DACH2: variants seen among roughly 807,000 people sequenced by gnomAD.
The protein encoded by DACH2 is dachshund homolog 2.
DACH2 carries 17 observed loss-of-function variants against 35.8 expected under a neutral mutation model. The observed-to-expected ratio is 0.48, with a 90% CI of 0.33 to 0.71. The LOEUF (loss-of-function observed/expected upper bound fraction) is 0.71. Ranked by LOEUF, DACH2 falls within the 30% of genes least tolerant of loss-of-function variation. The pLI is 0.02. For synonymous variants in DACH2, 195 were observed against 177.3 expected (o/e 1.10, Z -0.79); for missense variants, 469 against 472.7 (o/e 0.99, Z 0.07).
chrX:86,737,429 C>T (rs1270963402), intron 6 of DACH2, among the ~76,000 whole-genome samples: 1 of 111,816 alleles, frequency 8.9e-6, no homozygotes, highest in East Asian at 2.8e-4. Context: ...ATTTAATTAG[C>T]ATATATTGTA....
intron 3 of DACH2, among the ~76,000 whole-genome samples, chrX:86,642,343 T>TA (rs769577333): frequency 2.0e-4 from 22 of 110,159 alleles, no homozygotes; most frequent in South Asian, 1.1e-3. Flanking sequence ...CCAATAAAGA[T>TA]AAAAAAAAGA....
chrX:86,624,451 A>T (rs922869675), intron 3 of DACH2, among the ~76,000 whole-genome samples: 1 of 112,249 alleles, frequency 8.9e-6, no homozygotes, highest in Non-Finnish European at 1.9e-5. Flanking sequence ...GGTTAAGAGA[A>T]AGTATAATTT....
At chrX:86,303,543 G>T (rs1349651508) in intron 1 of DACH2, among the ~76,000 whole-genome samples, 1 of 110,514 alleles carries the variant, frequency 9.0e-6, no homozygotes, top group African/African-American at 3.3e-5. Flanking sequence ...ACCAGTTAGT[G>T]GGGTACTGAA....
chrX:86,199,620 G>A (rs1247850184), intron 1 of DACH2, among the ~76,000 whole-genome samples: 1 of 111,788 alleles, frequency 8.9e-6, no homozygotes, highest in African/African-American at 3.3e-5. Flanking sequence ...CAGAACAACA[G>A]TCAAGCTGAG....
chrX:86,638,255 A>G (rs919249060), intron 3 of DACH2, among the ~76,000 whole-genome samples: 13 of 111,903 alleles, frequency 1.2e-4, no homozygotes, highest in Non-Finnish European at 2.1e-4. Flanking sequence ...ATATGAAAAA[A>G]CTAGCTCCAG....
At chrX:86,457,200 TA>T (rs970616347) in intron 2 of DACH2, among the ~76,000 whole-genome samples, 2 of 111,754 alleles carry the variant, frequency 1.8e-5, no homozygotes, top group African/African-American at 6.5e-5. Context: ...GTAGAAGCAG[TA>T]AGAATGAGTC....
chrX:86,640,078 G>A (rs1371737155), intron 3 of DACH2, among the ~76,000 whole-genome samples: 2 of 110,921 alleles, frequency 1.8e-5, no homozygotes, highest in African/African-American at 6.6e-5. Context: ...AGACTGGAGC[G>A]GGCCCCAAGC....
intron 2 of DACH2, among the ~76,000 whole-genome samples, chrX:86,511,082 T>C (rs929010544): frequency 8.1e-5 from 9 of 111,712 alleles, no homozygotes; most frequent in African/African-American, 2.6e-4. Flanking sequence ...TTATTTGCCT[T>C]GATTAATATG....
chrX:86,193,402 G>A (rs2031888062), intron 1 of DACH2, among the ~76,000 whole-genome samples: 1 of 111,565 alleles, frequency 9.0e-6, no homozygotes, highest in Admixed American at 9.6e-5. Context: ...AAAGTCAAGG[G>A]CATTATTCTG....
At chrX:86,285,691 T>G (rs954355612) in intron 1 of DACH2, among the ~76,000 whole-genome samples, 2 of 111,992 alleles carry the variant, frequency 1.8e-5, no homozygotes, top group African/African-American at 6.5e-5. Flanking sequence ...GGCCTATAAG[T>G]GCAGATTATG....
intron 1 of DACH2, among the ~76,000 whole-genome samples, chrX:86,376,522 T>C (rs1222030172): frequency 1.8e-5 from 2 of 110,740 alleles, no homozygotes; most frequent in Non-Finnish European, 3.8e-5. Context: ...CTTGTCTTCA[T>C]ATATGGAAAA....
intron 7 of DACH2, among the ~76,000 whole-genome samples, chrX:86,804,062 G>A (rs2042319805): frequency 9.0e-6 from 1 of 111,585 alleles, no homozygotes; most frequent in Non-Finnish European, 1.9e-5. Context: ...TCGCTTATCT[G>A]GAATGCTTCA....
intron 3 of DACH2, among the ~76,000 whole-genome samples, chrX:86,547,103 G>A (rs377028420): frequency 9.0e-6 from 1 of 110,843 alleles, no homozygotes; most frequent in Non-Finnish European, 1.9e-5. Flanking sequence ...TAGTATAAGA[G>A]TGAGAACAAC....
intron 4 of DACH2, among the ~76,000 whole-genome samples, chrX:86,674,948 A>G (rs768329855): frequency 2.7e-5 from 3 of 110,788 alleles, no homozygotes; most frequent in Non-Finnish European, 5.7e-5. Flanking sequence ...GCTATCTTTT[A>G]AAAATATTGG....
At chrX:86,464,271 A>T (rs1278028758) in intron 2 of DACH2, among the ~76,000 whole-genome samples, 2 of 111,544 alleles carry the variant, frequency 1.8e-5, no homozygotes, top group Admixed American at 1.9e-4. Context: ...GAACCAACCC[A>T]AATGCCCATC....
At position 86,303,083 on chromosome X, in the gene DACH2, G is replaced by A. The variant is rs193236636; in HGVS notation, c.489-73741G>A. On this transcript the variant is annotated intron_variant, in intron 1 of 11. Coordinates refer to ENST00000373125, the MANE Select transcript of DACH2 (RefSeq NM_053281.3). ...ATACATCTAGTATGTTGTGGAGGTGGGATTCAAACGCAGACATTGTGGCCC... is the reference window on the plus strand; with the variant it reads ...ATACATCTAGTATGTTGTGGAGGTGAGATTCAAACGCAGACATTGTGGCCC... 2.5e-3 allele frequency among the ~76,000 whole-genome samples: 252 copies of A among 102,077 alleles called. 1 individual carries two copies. The highest frequency in any genetic ancestry group is 8.7e-3 in the African/African-American group (241 of 27,753). 88.6% of individuals were successfully genotyped at this position (102,077 alleles called of 115,157 possible).
At chrX:86,336,138 G>A (rs1316232597) in intron 1 of DACH2, among the ~76,000 whole-genome samples, 2 of 111,800 alleles carry the variant, frequency 1.8e-5, no homozygotes, top group East Asian at 5.6e-4. Context: ...ATGTGCTGTT[G>A]GATTCGGTCT....
chrX:86,647,566 A>G (rs1336324529), intron 3 of DACH2, among the ~76,000 whole-genome samples: 3 of 110,981 alleles, frequency 2.7e-5, no homozygotes, highest in Non-Finnish European at 5.7e-5. Context: ...GCAAAGTTTC[A>G]GATGTACAAG....
intron 7 of DACH2, among the ~76,000 whole-genome samples, chrX:86,796,097 G>C (rs897813690): frequency 1.8e-5 from 2 of 111,858 alleles, no homozygotes; most frequent in African/African-American, 6.5e-5. Context: ...ACATTCTGCT[G>C]ATGGGTCCAT....
Sources: allele counts gnomAD v4.1 joint callset (sites outside exome capture counted in the v4.1 genomes callset), GRCh38; gene constraint gnomAD v4.1.1; transcripts MANE v1.5; gene names NCBI Gene and HGNC (gene_info 2026-07-23, HGNC 2026-07-21).